Variants in CAMSAP3 observed in about 807,000 individuals in gnomAD.
The protein encoded by CAMSAP3 is calmodulin regulated spectrin associated protein family member 3, also known as calmodulin-regulated spectrin-associated protein 3.
Under a neutral mutation model 112.5 loss-of-function variants are expected in CAMSAP3, and 34 were observed. The ratio of observed to expected loss-of-function variants is 0.30; its 90% CI spans 0.23 to 0.40. CAMSAP3 has a LOEUF of 0.40. Ranked by LOEUF, CAMSAP3 falls within the 10% of genes least tolerant of loss-of-function variation. CAMSAP3 has a pLI of 1.00. For synonymous variants in CAMSAP3, 868 were observed against 799.8 expected (o/e 1.09, Z -1.44); for missense variants, 1,602 against 1,770.3 (o/e 0.90, Z 1.71).
At chr19:7,614,259 C>CAAAAAAAAAAAAAAAAAAAAAAA (rs1173068955) in intron 11 of CAMSAP3, among the ~76,000 whole-genome samples, 5 of 18,766 alleles carry the variant, frequency 2.7e-4, no homozygotes, top group Admixed American at 6.8e-4. Context: ...GACTCCATCT[C>CAAAAAAAAAAAAAAAAAAAAAAA]AAAAAAAAAA....
rs2030310476 is a variant in CAMSAP3 at position 7,608,152 on chromosome 19, G to A, written c.648G>A (p.Val216=). The A allele has an allele frequency of 1.2e-6, 2 of 1,611,976 alleles. No homozygotes were observed. The highest frequency in any genetic ancestry group is 1.7e-6 in the Non-Finnish European group (2 of 1,179,842). The change falls in exon 5 of 17, where the codon GTG becomes GTA. Residue 216 remains valine, a synonymous_variant. Transcript: ENST00000160298. The part of the protein sequence containing the change: ...PSIRYRKDRV[V]ARRAPCFPTV... ...TCCGATACCGCAAGGACCGTGTGGTGGCGCGACGTGCCCCCTGCTTCCCGA... is the reference window on the plus strand; with the variant it reads ...TCCGATACCGCAAGGACCGTGTGGTAGCGCGACGTGCCCCCTGCTTCCCGA...
Position 7,612,379 on chromosome 19 carries a change from G to C in CAMSAP3, c.1886G>C (p.Arg629Pro). 1.9e-6 allele frequency: 3 copies of C among 1,598,474 alleles called. No homozygotes were observed. The highest frequency in any genetic ancestry group is 2.6e-6 in the Non-Finnish European group (3 of 1,175,500). The change falls in exon 11 of 17, where the codon CGC becomes CCC. Residue 629 changes from arginine to proline, a missense_variant. Arg to Pro is a moderately radical substitution (Grantham distance 103, BLOSUM62 -2). Transcript: ENST00000160298. ...ATTGAGGCCATATTCGCCAAGCACC[G>C]CCAGCGGCTGGGCAAAAGCGCCTTC... ...RRIEAIFAKH[R>P]QRLGKSAFLQ... is the part of the protein sequence containing the mutation.
Position 7,617,447 on chromosome 19 carries a change from G to A in CAMSAP3, c.3325+9G>A. ...AGTGCCCGAGTACACAGGTAAGCAG[G>A]GGCTCTGGGTGATGTGAGGAGCAAC... On this transcript the variant is annotated intron_variant, in intron 15 of 16. Coordinates refer to ENST00000160298, the MANE Select transcript of CAMSAP3 (RefSeq NM_020902.2). The surrounding 1 kb of genome is among the most constrained non-coding windows in gnomAD (Gnocchi z 7.5). 1 of 1,613,234 alleles carries A rather than the reference G, an allele frequency of 6.2e-7. No individual in the cohort carries two copies. Among genetic ancestry groups the A allele is most frequent in the Non-Finnish European group, 8.5e-7 (1 of 1,179,274 alleles).
intron 14 of CAMSAP3, 92 bp downstream of exon 14, chr19:7,616,714 G>A: frequency 1.1e-6 from 1 of 895,616 alleles, no homozygotes; most frequent in East Asian, 2.5e-5. Context: ...CTAGAGGGCG[G>A]TATGGCTCGA....
chr19:7,601,023 G>T (rs1444029533), intron 1 of CAMSAP3, among the ~76,000 whole-genome samples: 1 of 151,562 alleles, frequency 6.6e-6, no homozygotes, highest in Non-Finnish European at 1.5e-5. Flanking sequence ...TCAATATGGT[G>T]GCCACCAGCC....
chr19:7,611,509 T>G lies in CAMSAP3; in HGVS notation c.1124-8T>G. ...GTCCCCATAGTGACCACTCATCGCC[T>G]CCCCCAGGCTCCCTGAAGTCTTCCC... On this transcript the variant is annotated splice_polypyrimidine_tract_variant and splice_region_variant and intron_variant, in intron 9 of 16. Coordinates refer to ENST00000160298, the MANE Select transcript of CAMSAP3 (RefSeq NM_020902.2). The surrounding 1 kb of genome is among the most constrained non-coding windows in gnomAD (Gnocchi z 6.9). 6.2e-7 allele frequency: 1 copy of G among 1,604,730 alleles called. No homozygotes were observed. Among genetic ancestry groups the G allele is most frequent in the Non-Finnish European group, 8.5e-7 (1 of 1,175,566 alleles).
Position 7,617,997 on chromosome 19 carries a change from AC to A in CAMSAP3, c.3691del (p.His1231ThrfsTer64). 6.2e-7 allele frequency: 1 copy of A among 1,614,120 alleles called. No individual in the cohort carries two copies. The highest frequency in any genetic ancestry group is 8.5e-7 in the Non-Finnish European group (1 of 1,180,044). On this transcript the variant is annotated frameshift_variant, in exon 17 of 17. Coordinates refer to ENST00000160298, the MANE Select transcript of CAMSAP3 (RefSeq NM_020902.2). LOFTEE classifies it high-confidence loss of function. The surrounding 1 kb of genome is among the most constrained non-coding windows in gnomAD (Gnocchi z 7.5). ...GCGTCGATGCCTTCACCATCCAGGG[AC>A]ACCTCTGGCAGGGCAAGAAACCCAC... ...MSVDAFTIQG[H>X]LWQGKKPTTP...
chr19:7,606,726 C>G, intron 4 of CAMSAP3, 155 bp downstream of exon 4: 1 of 1,612,122 alleles, frequency 6.2e-7, no homozygotes, highest in African/African-American at 1.3e-5. Flanking sequence ...GTGCCCTGCC[C>G]GTCCCCTGTG....
chr19:7,605,294 C>T lies in CAMSAP3; in HGVS notation c.217C>T (p.Pro73Ser). ...DQYAQEHVKPPVTRLLLSAEL... is the reference protein window; with the variant it reads ...DQYAQEHVKPSVTRLLLSAEL... Reference sequence around the variant, plus strand: ...GTACGCGCAGGAGCATGTGAAGCCCCCGGTGACACGGCTGCTGCTCTCAGC... The same window carrying T: ...GTACGCGCAGGAGCATGTGAAGCCCTCGGTGACACGGCTGCTGCTCTCAGC... The change falls in exon 2 of 17, where the codon CCG becomes TCG. Residue 73 changes from proline (P) to serine (S), a missense_variant. This residue lies in a region of CAMSAP3 where 147 missense variants were observed against 144.6 expected (regional missense o/e 1.02). Transcript: ENST00000160298. 1 of 1,611,566 alleles carries T rather than the reference C, an allele frequency of 6.2e-7. No homozygotes were observed. The highest frequency in any genetic ancestry group is 8.5e-7 in the Non-Finnish European group (1 of 1,178,950).
rs759958351 is a variant in CAMSAP3 at position 7,615,209 on chromosome 19, G to A, written c.2697G>A (p.Met899Ile). The A allele has an allele frequency of 3.2e-6, 5 of 1,553,622 alleles. No individual in the cohort carries two copies. The South Asian group carries it at 3.6e-5, about 11-fold the overall frequency. The change falls in exon 12 of 17, where the codon ATG becomes ATA. Residue 899 changes from methionine (M) to isoleucine (I), a missense_variant. Met to Ile is a conservative substitution (Grantham distance 10). Transcript: ENST00000160298. The surrounding 1 kb of genome is among the most constrained non-coding windows in gnomAD (Gnocchi z 6.5). ...ATGAAGACAAGCCTGAGGACGAGAT[G>A]GCCCAAAAGCGGGCCAGCCTGCTGG... Reference protein sequence around the residue: ...YKDEDKPEDEMAQKRASLLER... With the variant: ...YKDEDKPEDEIAQKRASLLER...
Position 7,610,942 on chromosome 19 carries a change from C to T in CAMSAP3, c.1049+11C>T, listed in dbSNP as rs1292204334. ...CAACAGCGGCAGTAGGTACGCTCCC[C>T]ACACTGGGCGAGTCTCTGGCATTGT... On this transcript the variant is annotated intron_variant, in intron 8 of 16. Coordinates refer to ENST00000160298, the MANE Select transcript of CAMSAP3 (RefSeq NM_020902.2). This position sits in a 1 kb window ranked among gnomAD's most constrained non-coding sequence, Gnocchi z 4.9. 3.8e-6 allele frequency: 6 copies of T among 1,579,468 alleles called. No homozygotes were observed. The highest frequency in any genetic ancestry group is 3.5e-5 in the Admixed American group (2 of 57,776).
chr19:7,607,887 C>T lies in CAMSAP3; in HGVS notation c.622-239C>T, dbSNP rs747122417. The stretch of plus-strand genomic sequence containing the variant: ...CCCCATGGTAATGTATCCCCCGCCC[C>T]GGGGTCCCAGGAGTCCCTGTCCCCA... On this transcript the variant is annotated intron_variant, in intron 4 of 16. Transcript: ENST00000160298. The surrounding 1 kb of genome is among the most constrained non-coding windows in gnomAD (Gnocchi z 4.9). The T allele has an allele frequency of 2.3e-5, 24 of 1,059,104 alleles. No homozygotes were observed. Among genetic ancestry groups the T allele is most frequent in the South Asian group, 4.2e-5 (3 of 70,752 alleles). The allele number at this position is 1,059,104 out of a possible 1,614,324, so 65.6% of individuals were successfully genotyped here.
In CAMSAP3 at chr19:7,607,197, T is replaced by C. The variant is rs2030268033; in HGVS notation, c.621+626T>C. On this transcript the variant is annotated intron_variant, in intron 4 of 16. Coordinates refer to ENST00000160298, the MANE Select transcript of CAMSAP3 (RefSeq NM_020902.2). This position sits in a 1 kb window ranked among gnomAD's most constrained non-coding sequence, Gnocchi z 4.9. ...GGGGACCTGCAGCCCATCACAAACG[T>C]GGATCCTGACCCTAGCAGGCAGGGC... 6.6e-6 allele frequency among the ~76,000 whole-genome samples: 1 copy of C among 152,098 alleles called. No homozygotes were observed. The highest frequency in any genetic ancestry group is 2.4e-5 in the African/African-American group (1 of 41,416).
At chr19:7,600,686 T>C (rs1392443615) in intron 1 of CAMSAP3, among the ~76,000 whole-genome samples, 35 of 14,026 alleles carry the variant, frequency 2.5e-3, no homozygotes, top group Middle Eastern at 0.053. Context: ...ACCCACCCAC[T>C]CATCCATCCA....
chr19:7,602,042 T>G (rs941202611), intron 1 of CAMSAP3, among the ~76,000 whole-genome samples: 3 of 151,630 alleles, frequency 2.0e-5, no homozygotes, highest in Non-Finnish European at 4.4e-5. Flanking sequence ...CCAGCCTGGG[T>G]GACAGAGCAA....
At position 7,608,163 on chromosome 19, in the gene CAMSAP3, C is replaced by T. The variant is rs1184449458; in HGVS notation, c.659C>T (p.Ala220Val). 8.1e-6 allele frequency: 13 copies of T among 1,612,128 alleles called. No individual in the cohort carries two copies. Among genetic ancestry groups the T allele is most frequent in the Non-Finnish European group, 1.0e-5 (12 of 1,179,880 alleles). Residue 220 changes from alanine (A) to valine (V), a missense_variant, in exon 5 of 17, where the codon GCC (alanine) becomes GTC (valine). Physicochemically the swap from Ala to Val is moderately conservative, Grantham distance 64 (BLOSUM62 0). This residue lies in a region of CAMSAP3 where 112 missense variants were observed against 94.2 expected (regional missense o/e 1.19). Coordinates refer to ENST00000160298, the MANE Select transcript of CAMSAP3 (RefSeq NM_020902.2). ...YRKDRVVARR[A>V]PCFPTVTSLQ... ...AAGGACCGTGTGGTGGCGCGACGTG[C>T]CCCCTGCTTCCCGACGGTGACCAGC...
Position 7,612,803 on chromosome 19 carries a change from T to G in CAMSAP3, c.2310T>G (p.Pro770=). 1 of 1,542,734 alleles carries G rather than the reference T, an allele frequency of 6.5e-7. No individual in the cohort carries two copies. The highest frequency in any genetic ancestry group is 8.7e-7 in the Non-Finnish European group (1 of 1,150,186). The change falls in exon 11 of 17, where the codon CCT becomes CCG. Residue 770 remains proline, a synonymous_variant. Coordinates refer to ENST00000160298, the MANE Select transcript of CAMSAP3 (RefSeq NM_020902.2). ...ARRVPATRRS[P]GPGPSQSPRS... ...GAGTCCCGGCCACCCGGCGCAGCCC[T>G]GGGCCCGGGCCCAGCCAGTCACCCC...
chr19:7,613,159 A>G lies in CAMSAP3; in HGVS notation c.2666A>G (p.Tyr889Cys), dbSNP rs2030601184. 2.8e-6 allele frequency: 4 copies of G among 1,448,234 alleles called. No homozygotes were observed. Among genetic ancestry groups the G allele is most frequent in the Non-Finnish European group, 3.7e-6 (4 of 1,083,398 alleles). The allele number at this position is 1,448,234 out of a possible 1,614,324, so 89.7% of individuals were successfully genotyped here. A position where few individuals can be genotyped will look rare whatever the true frequency, so the allele number is the denominator to read the frequency against. ...CCCCGGGTGGGGCTGGGGTTCTTCT[A>G]CAAGGTGAGTCCCCGAGCAGGTGGC... ...GEPRVGLGFF[Y>C]KDEDKPEDEM... Residue 889 changes from tyrosine to cysteine, a missense_variant, in exon 11 of 17, where the codon TAC becomes TGC. This residue lies in a region of CAMSAP3 where 1,100 missense variants were observed against 1,135.7 expected (regional missense o/e 0.97). Transcript: ENST00000160298.
rs767944897 is a variant in CAMSAP3 at position 7,610,809 on chromosome 19, C to T, written c.994+16C>T. ...GATGGTCACGGTGAGGCCCTGGGGG[C>T]CTGGGGGCCGGGTCGGGGGCGGGTG... On this transcript the variant is annotated intron_variant, in intron 7 of 16. Transcript: ENST00000160298. This position sits in a 1 kb window ranked among gnomAD's most constrained non-coding sequence, Gnocchi z 4.9. 230 of 1,612,186 alleles carry T rather than the reference C, an allele frequency of 1.4e-4. No homozygotes were observed. The highest frequency in any genetic ancestry group is 1.8e-4 in the Non-Finnish European group (211 of 1,179,680).
Sources: allele counts gnomAD v4.1 joint callset (sites outside exome capture counted in the v4.1 genomes callset), GRCh38; gene constraint gnomAD v4.1.1; regional missense constraint gnomAD v4.1.1; non-coding constraint Gnocchi (gnomAD v3.1); transcripts MANE v1.5; gene names NCBI Gene and HGNC (gene_info 2026-07-23, HGNC 2026-07-21).